The following EPHA10 variants were observed in gnomAD, a reference collection of about 807,000 sequenced individuals.
The protein encoded by EPHA10 is EPH receptor A10.
A neutral mutation model predicts 109.7 loss-of-function variants in EPHA10; 120 were observed. The observed-to-expected ratio is 1.09, with a 90% CI of 0.94 to 1.27. EPHA10 has a LOEUF of 1.27. Among genes scored for constraint, EPHA10 ranks in the 50% most tolerant of loss-of-function variants. The probability of loss-of-function intolerance (pLI) is 0.00; values close to 1 mark genes in which losing one functional copy is unlikely to be tolerated. For synonymous variants in EPHA10, 640 were observed against 618.9 expected, an observed-to-expected ratio of 1.03 and a Z score of -0.51; for missense variants, 1,396 against 1,411.1, an observed-to-expected ratio of 0.99 and a Z score of 0.17.
intron 7 of EPHA10, among the ~76,000 whole-genome samples, chr1:37,728,809 AG>A (rs1645935998): frequency 6.6e-6 from 1 of 152,168 alleles, no homozygotes; most frequent in Non-Finnish European, 1.5e-5. Context: ...CCAGGGTTCC[AG>A]AGGCAAAGAG....
Position 37,764,893 on chromosome 1 carries a change from A to G in EPHA10, c.106+68T>C. 7.1e-7 allele frequency: 1 copy of G among 1,413,362 alleles called. No homozygotes were observed. Among genetic ancestry groups the G allele is most frequent in the Non-Finnish European group, 9.7e-7 (1 of 1,030,954 alleles). The allele number at this position is 1,413,362 out of a possible 1,614,324, so 87.6% of individuals were successfully genotyped here. On this transcript the variant is annotated intron_variant, in intron 1 of 16. Coordinates refer to ENST00000373048, the MANE Select transcript of EPHA10 (RefSeq NM_001099439.2). The surrounding 1 kb of genome is among the most constrained non-coding windows in gnomAD (Gnocchi z 5.8). ...TCTCTCCAATGACTCCTTCCCCCAG[A>G]ACCCCCATCGCCAGCCCCCTATCTT...
At chr1:37,719,633 G>A (rs1377108143) in intron 14 of EPHA10, 26 bp from the exon 15 acceptor site, 4 of 1,611,018 alleles carry the variant, frequency 2.5e-6, no homozygotes, top group African/African-American at 2.7e-5. Flanking sequence ...GGGGAGCAGA[G>A]AGGAGGCTCT....
At position 37,718,700 on chromosome 1, in the gene EPHA10, C is replaced by A. The variant is rs1402419110; in HGVS notation, c.2873G>T (p.Gly958Val). The A allele has an allele frequency of 1.9e-6, 3 of 1,613,222 alleles. No individual in the cohort carries two copies. Among genetic ancestry groups the A allele is most frequent in the Non-Finnish European group, 2.5e-6 (3 of 1,180,008 alleles). ...GGCCACGGCCTCCAGGCTCCCATAG[C>A]CAGCAGCCGCGAAGCTGTCCTTGTA... ...CRYKDSFAAA[G>V]YGSLEAVAEM... Residue 958 changes from glycine to valine, a missense_variant, in exon 16 of 17, where the codon GGC (glycine) becomes GTC (valine). By Grantham distance (109) the Gly-to-Val change is moderately radical. Transcript: ENST00000373048.
rs1348236542 is a variant in EPHA10 at position 37,765,108 on chromosome 1, G to A, written c.-42C>T. 2 of 1,538,386 alleles carry A rather than the reference G, an allele frequency of 1.3e-6. No individual in the cohort carries two copies. The highest frequency in any genetic ancestry group is 3.9e-5 in the Admixed American group (2 of 51,710). On this transcript the variant is annotated 5_prime_UTR_variant, in exon 1 of 17. Coordinates refer to ENST00000373048, the MANE Select transcript of EPHA10 (RefSeq NM_001099439.2). ...TGTCAGTCCGGCGGCGGCTCAAGCC[G>A]CGCCAGCCTAGCACCGCTGAGCAAT...
intron 8 of EPHA10, among the ~76,000 whole-genome samples, chr1:37,724,566 G>A (rs894079589): frequency 1.3e-5 from 2 of 152,160 alleles, no homozygotes; most frequent in African/African-American, 4.8e-5. Flanking sequence ...AGAGCAGAGG[G>A]AAACTGGGGC....
chr1:37,740,580 C>T lies in EPHA10; in HGVS notation c.1358-5190G>A, dbSNP rs147204354. Among the ~76,000 whole-genome samples the T allele has an allele frequency of 3.2e-3, 487 of 152,282 alleles. 5 individuals are homozygous for T. The highest frequency in any genetic ancestry group is 0.019 in the South Asian group (94 of 4,830). ...CCGGCCTCCCAAAGTGCTGGGATTA[C>T]GGGCGTGAGCCACCGTGCCCAGCCA... On this transcript the variant is annotated intron_variant, in intron 5 of 16. Transcript: ENST00000373048.
intron 5 of EPHA10, among the ~76,000 whole-genome samples, chr1:37,747,593 TA>T (rs1197625811): frequency 6.9e-6 from 1 of 144,150 alleles, no homozygotes; most frequent in Non-Finnish European, 1.5e-5. Context: ...AGGAGAGTGG[TA>T]TTAATAAAGA....
chr1:37,758,436 A>G (rs140446342), intron 3 of EPHA10, among the ~76,000 whole-genome samples: 32 of 152,034 alleles, frequency 2.1e-4, no homozygotes, highest in Middle Eastern at 3.4e-3. Flanking sequence ...TTATCCCTCA[A>G]TCTACTGCAA....
In EPHA10 at chr1:37,716,134, A is replaced by G. The variant is rs1645687884; in HGVS notation, c.*2238T>C. 4.6e-6 allele frequency: 2 copies of G among 432,454 alleles called. No homozygotes were observed. Among genetic ancestry groups the G allele is most frequent in the East Asian group, 4.1e-5 (1 of 24,172 alleles). The allele number at this position is 432,454 out of a possible 1,614,324, so 26.8% of individuals were successfully genotyped here. A position where few individuals can be genotyped will look rare whatever the true frequency, so the allele number is the denominator to read the frequency against. ...CCTCTGTCCAGTGAACAAGTTCCATATAAAAATAGATCTGTAGAGGGTTCC... is the reference window on the plus strand; with the variant it reads ...CCTCTGTCCAGTGAACAAGTTCCATGTAAAAATAGATCTGTAGAGGGTTCC... On this transcript the variant is annotated 3_prime_UTR_variant, in exon 17 of 17. Coordinates refer to ENST00000373048, the MANE Select transcript of EPHA10 (RefSeq NM_001099439.2).
intron 8 of EPHA10, among the ~76,000 whole-genome samples, chr1:37,726,021 C>T (rs574964615): frequency 3.3e-5 from 5 of 152,330 alleles, no homozygotes; most frequent in African/African-American, 9.6e-5. Context: ...TTTGGAATCC[C>T]GCGCTGGCTT....
chr1:37,762,899 G>T, intron 1 of EPHA10, 50 bp from the exon 2 acceptor site: 5 of 1,503,810 alleles, frequency 3.3e-6, no homozygotes, highest in Non-Finnish European at 4.5e-6. Flanking sequence ...GGTCAGTTTA[G>T]CAAGAGAGTG....
rs568800596 is a variant in EPHA10 at position 37,761,516 on chromosome 1, C to A, written c.739G>T (p.Glu247Ter). 4 of 1,599,592 alleles carry A rather than the reference C, an allele frequency of 2.5e-6. No homozygotes were observed. The South Asian group carries it at 4.4e-5, about 18-fold the overall frequency. ...AGTCVAHSEG[E>*]PGSPPRMHCG... ...TGCATGCGTGGGGGGCTGCCAGGCTCCCCTTCCGAGTGCGCCACGCACGTT... is the reference window on the plus strand; with the variant it reads ...TGCATGCGTGGGGGGCTGCCAGGCTACCCTTCCGAGTGCGCCACGCACGTT... The change falls in exon 3 of 17, where the codon GAG (glutamate) becomes TAG (stop). Residue 247 changes from glutamate (E) to a stop codon, truncating the protein, a stop_gained. Transcript: ENST00000373048. LOFTEE classifies it high-confidence loss of function.
chr1:37,743,878 A>T (rs1412406050), intron 5 of EPHA10, among the ~76,000 whole-genome samples: 2 of 149,092 alleles, frequency 1.3e-5, no homozygotes, highest in Non-Finnish European at 3.0e-5. Flanking sequence ...GTTGAGGAAC[A>T]TCTGTGTATA....
In EPHA10 at chr1:37,754,821, C is replaced by G. The variant is rs181100002; in HGVS notation, c.851-451G>C. ...TTATTTATTTTTTCTTTTTTCTTTT[C>G]GAGTCTCCTTCTATCACCCAGGCTG... On this transcript the variant is annotated intron_variant, in intron 3 of 16. Transcript: ENST00000373048. The surrounding 1 kb of genome is among the most constrained non-coding windows in gnomAD (Gnocchi z 4.5). 2.0e-5 allele frequency among the ~76,000 whole-genome samples: 3 copies of G among 151,424 alleles called. No homozygotes were observed. Among genetic ancestry groups the G allele is most frequent in the Non-Finnish European group, 4.4e-5 (3 of 67,874 alleles).
chr1:37,755,344 A>T (rs1043196693), intron 3 of EPHA10, among the ~76,000 whole-genome samples: 2 of 131,180 alleles, frequency 1.5e-5, no homozygotes, highest in Non-Finnish European at 3.3e-5. Flanking sequence ...ACACACACAC[A>T]CCCTCCCACC....
Position 37,743,443 on chromosome 1 carries a change from T to C in EPHA10, c.1358-8053A>G, listed in dbSNP as rs74065206. Among the ~76,000 whole-genome samples, 1,330 of 152,202 alleles carry C rather than the reference T, an allele frequency of 8.7e-3. 16 individuals carry two copies. The highest frequency in any genetic ancestry group is 0.03 in the African/African-American group (1,239 of 41,522). ...AGAAACTAAAAGTGCATCAGCAAAA[T>C]TGAAATATTTAAAATAAAATTCATT... On this transcript the variant is annotated intron_variant, in intron 5 of 16. Coordinates refer to ENST00000373048, the MANE Select transcript of EPHA10 (RefSeq NM_001099439.2).
chr1:37,738,268 G>A (rs868536308), intron 5 of EPHA10, among the ~76,000 whole-genome samples: 4 of 152,230 alleles, frequency 2.6e-5, no homozygotes, highest in Non-Finnish European at 2.9e-5. Flanking sequence ...TCCAGAGGCT[G>A]AGGCACAAGA....
At chr1:37,714,165 A>T (rs571839234), downstream of EPHA10, 1 of 152,260 alleles carries the variant, frequency 6.6e-6, no homozygotes, top group African/African-American at 2.4e-5. Context: ...CTTATTTATC[A>T]CCATCCCCAC....
downstream of EPHA10, chr1:37,714,684 C>T (rs57606101): frequency 0.2 from 30,116 of 152,070 alleles, 3,310 homozygotes; most frequent in East Asian, 0.45. Flanking sequence ...TGGTATGGAC[C>T]GGTTCAATAT....
Sources: gnomAD v4.1 joint callset for allele counts (sites outside exome capture counted in the v4.1 genomes callset) on GRCh38, gnomAD v4.1.1 for gene constraint, Gnocchi (gnomAD v3.1) non-coding constraint, MANE v1.5 for transcripts, NCBI Gene and HGNC (gene_info 2026-07-23, HGNC 2026-07-21) for gene names.